The following METAP1 variants were observed in gnomAD, a reference collection of about 807,000 sequenced individuals.
METAP1 encodes the protein methionyl aminopeptidase 1, also known as methionine aminopeptidase 1.
In METAP1, 28 loss-of-function variants were observed where a neutral mutation model predicts 53.8. That is an observed-to-expected ratio of 0.52 (90% CI 0.39 to 0.71). METAP1 has a LOEUF of 0.71. Ranked by LOEUF, METAP1 falls within the 30% of genes least tolerant of loss-of-function variation. The pLI, the probability that METAP1 is intolerant of heterozygous loss-of-function variation, is 0.00. For missense variants in METAP1, 389 were observed against 479.8 expected, an observed-to-expected ratio of 0.81 and a Z score of 1.77; for synonymous variants, 181 against 165.7, an observed-to-expected ratio of 1.09 and a Z score of -0.71.
chr4:99,039,409 T>G lies in METAP1; in HGVS notation c.376T>G (p.Ser126Ala). 2 of 1,611,984 alleles carry G rather than the reference T, an allele frequency of 1.2e-6. No homozygotes were observed. Among genetic ancestry groups the G allele is most frequent in the Non-Finnish European group, 1.7e-6 (2 of 1,178,600 alleles). Reference sequence around the variant, plus strand: ...ATCTGAACAGGCTCTTAAAGGTACTTCTCAGATTAAATTACTCTCATCTGA... The same window carrying G: ...ATCTGAACAGGCTCTTAAAGGTACTGCTCAGATTAAATTACTCTCATCTGA... Reference protein sequence around the residue: ...SESEQALKGTSQIKLLSSEDI... With the variant: ...SESEQALKGTAQIKLLSSEDI... Residue 126 changes from serine to alanine, a missense_variant, in exon 5 of 11, where the codon TCT becomes GCT. Ser to Ala is a moderately conservative substitution (Grantham distance 99, BLOSUM62 1). Coordinates refer to ENST00000296411, the MANE Select transcript of METAP1 (RefSeq NM_015143.3).
rs1727593995 is a variant in METAP1 at position 99,062,286 on chromosome 4, C to CT, written c.*970dup. 6.6e-6 allele frequency: 1 copy of CT among 152,206 alleles called. No individual in the cohort carries two copies. Among genetic ancestry groups the CT allele is most frequent in the Non-Finnish European group, 1.5e-5 (1 of 68,062 alleles). The allele number at this position is 152,206 out of a possible 1,614,324, so 9.4% of individuals were successfully genotyped here. On this transcript the variant is annotated 3_prime_UTR_variant, in exon 11 of 11. Coordinates refer to ENST00000296411, the MANE Select transcript of METAP1 (RefSeq NM_015143.3). ...AGGAGGTCAAGTGGGCTATTAAAAT[C>CT]TAACGTTGAGTAAATGTGATAGTGA...
chr4:99,002,813 G>T (rs1722984863), intron 1 of METAP1, among the ~76,000 whole-genome samples: 1 of 152,188 alleles, frequency 6.6e-6, no homozygotes, highest in Admixed American at 6.5e-5. Flanking sequence ...CGTGGCTTAT[G>T]CCTGTAATCC....
chr4:99,043,487 T>G, intron 7 of METAP1, 100 bp downstream of exon 7: 1 of 1,268,652 alleles, frequency 7.9e-7, no homozygotes, highest in Non-Finnish European at 1.1e-6. Context: ...TTCCTGTACT[T>G]AAACTTTTTC....
rs537324133 is a variant in METAP1, at chr4:99,004,795, G to A, written c.114+8928G>A. 4.6e-4 allele frequency among the ~76,000 whole-genome samples: 70 copies of A among 151,828 alleles called. 1 individual carries two copies. Among genetic ancestry groups the A allele is most frequent in the African/African-American group, 1.3e-3 (52 of 41,386 alleles). ...TTACATGTATTCTTTTACAACATGC[G>A]TTTTTTTGTTTGTCATTATGTTCCT... On this transcript the variant is annotated intron_variant, in intron 1 of 10. Transcript: ENST00000296411.
chr4:99,026,199 A>C (rs1724547469), intron 1 of METAP1: 4 of 984,110 alleles, frequency 4.1e-6, no homozygotes, highest in Middle Eastern at 1.0e-3. Flanking sequence ...TTTTGGGTTC[A>C]TAAGCTCCTA....
intron 9 of METAP1, among the ~76,000 whole-genome samples, chr4:99,053,181 T>C (rs1473055343): frequency 1.3e-5 from 2 of 152,230 alleles, no homozygotes; most frequent in Non-Finnish European, 1.5e-5. Context: ...CATGTTAATA[T>C]TGATATTTGG....
At chr4:99,039,243 A>C in intron 4 of METAP1, 131 bp from the exon 5 acceptor site, 1 of 571,928 alleles carries the variant, frequency 1.7e-6, no homozygotes, top group Non-Finnish European at 3.1e-6. Flanking sequence ...AACCTAGACC[A>C]TCCCAAATCA....
At chr4:99,022,128 G>A (rs1382561800) in intron 1 of METAP1, among the ~76,000 whole-genome samples, 2 of 152,176 alleles carry the variant, frequency 1.3e-5, no homozygotes, top group African/African-American at 4.8e-5. Flanking sequence ...AATTAGCCAG[G>A]CATATATAGG....
intron 5 of METAP1, among the ~76,000 whole-genome samples, 155 bp downstream of exon 5, chr4:99,039,620 G>A (rs1725702319): frequency 6.7e-6 from 1 of 150,306 alleles, no homozygotes; most frequent in Non-Finnish European, 1.5e-5. Flanking sequence ...TTGAGACAGA[G>A]TTTCACTCTG....
intron 10 of METAP1, among the ~76,000 whole-genome samples, chr4:99,060,488 C>T (rs922823876): frequency 6.6e-6 from 1 of 151,756 alleles, no homozygotes; most frequent in Non-Finnish European, 1.5e-5. Context: ...CTCAGCTTCC[C>T]GAGTAGCTGG....
intron 1 of METAP1, among the ~76,000 whole-genome samples, chr4:98,999,142 A>G (rs1722798552): frequency 6.6e-6 from 1 of 152,090 alleles, no homozygotes; most frequent in African/African-American, 2.4e-5. Context: ...GGTGAACTTC[A>G]TGAATGATCC....
intron 10 of METAP1, among the ~76,000 whole-genome samples, chr4:99,058,697 G>C (rs1727323050): frequency 6.6e-6 from 1 of 152,180 alleles, no homozygotes; most frequent in Admixed American, 6.5e-5. Flanking sequence ...CTTCTATATT[G>C]TCTTTCTTAG....
Position 99,039,429 on chromosome 4 carries a change from A to G in METAP1, c.396A>G (p.Ser132=). 4.3e-6 allele frequency: 7 copies of G among 1,609,206 alleles called. No individual in the cohort carries two copies. The highest frequency in any genetic ancestry group is 1.1e-5 in the South Asian group (1 of 90,828). ...LKGTSQIKLL[S]SEDIEGMRLV... ...GTACTTCTCAGATTAAATTACTCTC[A>G]TCTGAAGATATAGAAGGGATGCGAC... The change falls in exon 5 of 11, where the codon TCA becomes TCG. Residue 132 remains serine, a synonymous_variant. Transcript: ENST00000296411.
At chr4:99,043,505 A>C (rs1228121029) in intron 7 of METAP1, 118 bp downstream of exon 7, 12 of 1,056,024 alleles carry the variant, frequency 1.1e-5, no homozygotes, top group Non-Finnish European at 1.2e-5. Flanking sequence ...TTCCTTTTTA[A>C]AATTCAGTAT....
intron 5 of METAP1, among the ~76,000 whole-genome samples, chr4:99,039,708 C>G (rs760896421): frequency 1.1e-4 from 17 of 152,060 alleles, no homozygotes; most frequent in Non-Finnish European, 1.8e-4. Context: ...ATTCTTCTGC[C>G]TCAGCCTCCT....
chr4:99,019,298 A>G lies in METAP1; in HGVS notation c.115-9569A>G, dbSNP rs551224213. On this transcript the variant is annotated intron_variant, in intron 1 of 10. Coordinates refer to ENST00000296411, the MANE Select transcript of METAP1 (RefSeq NM_015143.3). Reference sequence around the variant, plus strand: ...GTTTGGTCCCACCTCCAAATTTATCAAGGGCTCTTGATGGGACTCAAGGTG... The same window carrying G: ...GTTTGGTCCCACCTCCAAATTTATCGAGGGCTCTTGATGGGACTCAAGGTG... 2.5e-3 allele frequency among the ~76,000 whole-genome samples: 375 copies of G among 152,270 alleles called. 1 individual carries two copies. The highest frequency in any genetic ancestry group is 4.5e-3 in the Non-Finnish European group (304 of 68,016).
chr4:98,996,031 C>T (rs1722603642), intron 1 of METAP1, among the ~76,000 whole-genome samples, 164 bp downstream of exon 1: 1 of 152,188 alleles, frequency 6.6e-6, no homozygotes, highest in Non-Finnish European at 1.5e-5. Flanking sequence ...CCCCCTCCTG[C>T]CTCCTGGGGT....
intron 1 of METAP1, chr4:99,022,401 G>A: frequency 4.0e-6 from 3 of 753,172 alleles, no homozygotes; most frequent in Non-Finnish European, 2.0e-6. Context: ...TGTTGGAGTG[G>A]GCCTTGTCCT....
chr4:99,021,320 GGTCTCCTGGTCCCGCGGTTTTAAAA>G (rs1724093356), intron 1 of METAP1, among the ~76,000 whole-genome samples: 1 of 152,076 alleles, frequency 6.6e-6, no homozygotes, highest in African/African-American at 2.4e-5. Flanking sequence ...TCATGCACGA[GGTCTCCTGGTCCCGCGGTTTTAAAA>G]GTCTCCTTGT....
Sources: allele counts gnomAD v4.1 joint callset (sites outside exome capture counted in the v4.1 genomes callset), GRCh38; gene constraint gnomAD v4.1.1; transcripts MANE v1.5; gene names NCBI Gene and HGNC (gene_info 2026-07-23, HGNC 2026-07-21).